CLNK: variants seen among roughly 807,000 people sequenced by gnomAD.
CLNK encodes the protein cytokine-dependent hematopoietic cell linker.
In CLNK, 74 loss-of-function variants were observed where a neutral mutation model predicts 68.6. The ratio of observed to expected loss-of-function variants is 1.08; its 90% CI spans 0.89 to 1.31. The LOEUF (loss-of-function observed/expected upper bound fraction) is 1.31. Among genes scored for constraint, CLNK ranks in the 50% most tolerant of loss-of-function variants. CLNK has a pLI of 0.00. For synonymous variants in CLNK, 198 were observed against 172.2 expected, an observed-to-expected ratio of 1.15 and a Z score of -1.17; for missense variants, 553 against 515.3, an observed-to-expected ratio of 1.07 and a Z score of -0.71.
chr4:10,714,138 C>A, the CLNK span, among the ~76,000 whole-genome samples: 1 of 152,212 alleles, frequency 6.6e-6, no homozygotes, highest in Admixed American at 6.5e-5. Flanking sequence ...AGCCCCCTTC[C>A]CAGGCTGTGG....
chr4:10,515,153 G>A (rs1316582975), intron 15 of CLNK, among the ~76,000 whole-genome samples: 7 of 152,082 alleles, frequency 4.6e-5, no homozygotes, highest in South Asian at 4.1e-4. Context: ...CAGGAGAATC[G>A]CTTGAGCCTG....
chr4:10,712,986 C>A, the CLNK span, among the ~76,000 whole-genome samples: 1 of 152,164 alleles, frequency 6.6e-6, no homozygotes. Context: ...CATTCCCTGG[C>A]CCATTGCCCA....
chr4:10,550,282 G>A (rs895145735), intron 8 of CLNK, among the ~76,000 whole-genome samples: 4 of 151,908 alleles, frequency 2.6e-5, no homozygotes, highest in African/African-American at 9.7e-5. Flanking sequence ...TGACGAGGTC[G>A]GGAGATCGAG....
chr4:10,724,899 A>G, the CLNK span, among the ~76,000 whole-genome samples: 1 of 152,174 alleles, frequency 6.6e-6, no homozygotes, highest in Non-Finnish European at 1.5e-5. Context: ...GAGAAAGCCT[A>G]TTTAATCTCA....
intron 18 of CLNK, among the ~76,000 whole-genome samples, chr4:10,495,824 TAGAG>T (rs35333663): frequency 6.2e-4 from 94 of 150,504 alleles, no homozygotes; most frequent in African/African-American, 1.5e-3. Flanking sequence ...CACGTGACCA[TAGAG>T]AGAGAGAGAT....
intron 14 of CLNK, among the ~76,000 whole-genome samples, chr4:10,525,578 C>T (rs908830636): frequency 9.2e-5 from 14 of 152,154 alleles, no homozygotes; most frequent in African/African-American, 2.4e-4. Context: ...CATCTTTTCC[C>T]GTTAATCCTA....
chr4:10,538,500 C>A (rs1051433208), intron 11 of CLNK, among the ~76,000 whole-genome samples: 11 of 152,196 alleles, frequency 7.2e-5, no homozygotes, highest in African/African-American at 2.7e-4. Context: ...ACGTATTAGA[C>A]TATTTGGCCA....
chr4:10,504,570 C>T (rs941294475), intron 17 of CLNK, among the ~76,000 whole-genome samples: 7 of 152,172 alleles, frequency 4.6e-5, no homozygotes, highest in African/African-American at 1.4e-4. Flanking sequence ...CAAATTCTCA[C>T]CCTTTAAATA....
chr4:10,596,047 C>T (rs1471384275), intron 3 of CLNK, among the ~76,000 whole-genome samples: 3 of 152,136 alleles, frequency 2.0e-5, no homozygotes, highest in Non-Finnish European at 2.9e-5. Context: ...CTTTTTGAGA[C>T]AGAGTTTCGC....
chr4:10,544,816 G>T (rs920878935), intron 8 of CLNK, among the ~76,000 whole-genome samples: 3 of 152,120 alleles, frequency 2.0e-5, no homozygotes, highest in African/African-American at 7.2e-5. Context: ...TCTTGCGGGT[G>T]GTGACTCTGA....
At chr4:10,667,303 AC>A (rs1724435998) in intron 2 of CLNK, among the ~76,000 whole-genome samples, 1 of 152,068 alleles carries the variant, frequency 6.6e-6, no homozygotes, top group Non-Finnish European at 1.5e-5. Context: ...AAACTGGTCC[AC>A]CAAACTTTGC....
intron 11 of CLNK, among the ~76,000 whole-genome samples, chr4:10,536,616 T>G (rs1718771351): frequency 6.6e-6 from 1 of 152,194 alleles, no homozygotes; most frequent in Non-Finnish European, 1.5e-5. Flanking sequence ...GTACTATTTA[T>G]TGGGCACATG....
chr4:10,616,821 TATACAC>T (rs1560244262), intron 2 of CLNK, among the ~76,000 whole-genome samples: 7 of 49,096 alleles, frequency 1.4e-4, no homozygotes, highest in East Asian at 1.2e-3. Context: ...TATATATATA[TATACAC>T]GCATTTTTTT....
At chr4:10,530,476 C>T (rs1162032492) in intron 12 of CLNK, among the ~76,000 whole-genome samples, 2 of 152,178 alleles carry the variant, frequency 1.3e-5, no homozygotes, top group African/African-American at 4.8e-5. Context: ...AATGGGGAAG[C>T]GTCTTGGCAA....
At chr4:10,716,792 C>T in the CLNK span, among the ~76,000 whole-genome samples, 1 of 150,704 alleles carries the variant, frequency 6.6e-6, no homozygotes, top group Non-Finnish European at 1.5e-5. Flanking sequence ...CTCCTGGGTT[C>T]AAGCAATTCT....
intron 2 of CLNK, among the ~76,000 whole-genome samples, chr4:10,618,354 C>T (rs779453259): frequency 6.6e-6 from 1 of 151,986 alleles, no homozygotes; most frequent in Non-Finnish European, 1.5e-5. Flanking sequence ...TTAGTAATTG[C>T]CTGGGGAAGT....
the CLNK span, among the ~76,000 whole-genome samples, chr4:10,726,910 T>C: frequency 2.6e-5 from 4 of 152,310 alleles, no homozygotes; most frequent in South Asian, 8.3e-4. Context: ...TTGTTACCTG[T>C]AACAGACATG....
At chr4:10,594,929 T>C (rs1443103637) in intron 3 of CLNK, among the ~76,000 whole-genome samples, 1 of 152,108 alleles carries the variant, frequency 6.6e-6, no homozygotes, top group Non-Finnish European at 1.5e-5. Flanking sequence ...ACCCCATCTC[T>C]ACTAAAAATT....
intron 5 of CLNK, among the ~76,000 whole-genome samples, chr4:10,569,612 GA>G (rs1720262942): frequency 6.6e-6 from 1 of 152,186 alleles, no homozygotes; most frequent in Non-Finnish European, 1.5e-5. Context: ...CTCTGGGTCT[GA>G]ACACTAGACT....
Sources: allele counts gnomAD v4.1 joint callset (sites outside exome capture counted in the v4.1 genomes callset), GRCh38; gene constraint gnomAD v4.1.1; transcripts MANE v1.5; gene names NCBI Gene and HGNC (gene_info 2026-07-23, HGNC 2026-07-21).